The following KIAA0825 variants were observed in gnomAD, a reference collection of about 807,000 sequenced individuals.
KIAA0825 encodes uncharacterized protein KIAA0825.
KIAA0825 carries 119 observed loss-of-function variants against 147.6 expected under a neutral mutation model. The observed-to-expected ratio is 0.81, with a 90% CI of 0.69 to 0.94. KIAA0825 has a LOEUF of 0.94. Among genes scored for constraint, KIAA0825 ranks in the 40% least tolerant of loss-of-function variants. KIAA0825 has a pLI of 0.00. For missense variants in KIAA0825, 1,381 were observed against 1,472.7 expected (o/e 0.94, Z 1.02); for synonymous variants, 470 against 518.1 (o/e 0.91, Z 1.26).
At chr5:94,271,375 G>A (rs1487167432) in intron 20 of KIAA0825, among the ~76,000 whole-genome samples, 1 of 152,072 alleles carries the variant, frequency 6.6e-6, no homozygotes, top group Non-Finnish European at 1.5e-5. Context: ...TATCTAACAA[G>A]GGATTAACCA....
At chr5:94,535,825 T>C (rs959778674) in intron 3 of KIAA0825, among the ~76,000 whole-genome samples, 4 of 152,198 alleles carry the variant, frequency 2.6e-5, no homozygotes, top group African/African-American at 7.2e-5. Flanking sequence ...CTAACACAGG[T>C]GGTTTCCCCA....
chr5:94,324,086 C>T (rs975704866), intron 20 of KIAA0825, among the ~76,000 whole-genome samples: 4 of 151,924 alleles, frequency 2.6e-5, no homozygotes, highest in South Asian at 2.1e-4. Context: ...TTGACACCTT[C>T]GTCTTTCGTG....
chr5:94,454,295 CTT>C (rs1163341056), intron 12 of KIAA0825, among the ~76,000 whole-genome samples: 1 of 152,138 alleles, frequency 6.6e-6, no homozygotes, highest in African/African-American at 2.4e-5. Flanking sequence ...GCAATAGTGT[CTT>C]TTGATATCCA....
At position 94,343,594 on chromosome 5, in the gene KIAA0825, C is replaced by T. The variant is rs1266619694; in HGVS notation, c.3710+40774G>A. ...GTCCCAGCTACTGGGGAGGCTGAGG[C>T]AGGAGAATGGCGTGAACCCGGGAAG... On this transcript the variant is annotated intron_variant, in intron 20 of 20. Transcript: ENST00000682413. Among the ~76,000 whole-genome samples the T allele has an allele frequency of 9.2e-5, 14 of 152,074 alleles. 1 individual carries two copies. The East Asian group carries it at 2.3e-3, about 25-fold the overall frequency.
intron 5 of KIAA0825, among the ~76,000 whole-genome samples, chr5:94,514,777 C>T (rs1369459047): frequency 6.6e-6 from 1 of 152,104 alleles, no homozygotes; most frequent in Non-Finnish European, 1.5e-5. Context: ...TTGTGTCTCC[C>T]TAGTCAAGAA....
intron 1 of KIAA0825, among the ~76,000 whole-genome samples, chr5:94,612,153 G>A (rs1460663419): frequency 1.3e-5 from 2 of 152,130 alleles, no homozygotes; most frequent in Non-Finnish European, 2.9e-5. Flanking sequence ...TAAGAAGATA[G>A]TGTAAGAACA....
At chr5:94,364,608 T>G (rs1228058558) in intron 20 of KIAA0825, among the ~76,000 whole-genome samples, 1 of 152,024 alleles carries the variant, frequency 6.6e-6, no homozygotes, top group Non-Finnish European at 1.5e-5. Context: ...GGTCTCAATC[T>G]CCTGACCTCG....
At chr5:94,492,901 T>C (rs1352420304) in intron 5 of KIAA0825, among the ~76,000 whole-genome samples, 1 of 152,254 alleles carries the variant, frequency 6.6e-6, no homozygotes, top group Non-Finnish European at 1.5e-5. Flanking sequence ...TGAAGTTGAA[T>C]GGCAGCCCCA....
At chr5:94,220,666 G>A (rs546153534) in intron 20 of KIAA0825, among the ~76,000 whole-genome samples, 1 of 151,652 alleles carries the variant, frequency 6.6e-6, no homozygotes, top group South Asian at 2.1e-4. Context: ...AAATGTATAT[G>A]CTGTTAATTG....
At chr5:94,248,334 G>A (rs114450945) in intron 20 of KIAA0825, among the ~76,000 whole-genome samples, 257 of 152,142 alleles carry the variant, frequency 1.7e-3, no homozygotes, top group African/African-American at 6.1e-3. Context: ...CAGTGAAATT[G>A]TGTCCTGATT....
chr5:94,231,112 C>T (rs1774660842), intron 20 of KIAA0825, among the ~76,000 whole-genome samples: 1 of 152,040 alleles, frequency 6.6e-6, no homozygotes, highest in Non-Finnish European at 1.5e-5. Flanking sequence ...TTTTTCCGTT[C>T]AGGATGTTGT....
chr5:94,611,421 G>A (rs141505924), intron 1 of KIAA0825, among the ~76,000 whole-genome samples: 12 of 151,906 alleles, frequency 7.9e-5, no homozygotes, highest in African/African-American at 2.7e-4. Context: ...AAAAATACAG[G>A]CTATGACTAA....
chr5:94,315,016 A>G (rs547561574), intron 20 of KIAA0825, among the ~76,000 whole-genome samples: 1 of 151,774 alleles, frequency 6.6e-6, no homozygotes, highest in South Asian at 2.1e-4. Context: ...GACTGTTGCC[A>G]TGGTAACAGG....
intron 7 of KIAA0825, among the ~76,000 whole-genome samples, chr5:94,474,174 T>C (rs1761561360): frequency 6.6e-6 from 1 of 151,990 alleles, no homozygotes. Context: ...TTGTGGTGGT[T>C]GGGGGGGTAC....
At chr5:94,507,454 C>A (rs1265176773) in intron 5 of KIAA0825, among the ~76,000 whole-genome samples, 1 of 150,908 alleles carries the variant, frequency 6.6e-6, no homozygotes, top group African/African-American at 2.4e-5. Flanking sequence ...ACCGTCCCCC[C>A]GCCCCCCCCA....
At chr5:94,439,797 A>G (rs1756845156) in intron 14 of KIAA0825, among the ~76,000 whole-genome samples, 185 bp downstream of exon 14, 1 of 152,194 alleles carries the variant, frequency 6.6e-6, no homozygotes, top group Non-Finnish European at 1.5e-5. Flanking sequence ...GAGTCATTGA[A>G]ATAAATTTTT....
chr5:94,388,932 T>C (rs1749542576), intron 18 of KIAA0825, among the ~76,000 whole-genome samples: 1 of 152,236 alleles, frequency 6.6e-6, no homozygotes, highest in African/African-American at 2.4e-5. Context: ...TGACCTCAAC[T>C]ACCACACTCA....
chr5:94,442,658 G>T (rs1179701076), intron 13 of KIAA0825, among the ~76,000 whole-genome samples: 4 of 152,058 alleles, frequency 2.6e-5, no homozygotes, highest in African/African-American at 9.7e-5. Flanking sequence ...GCTCCCTTGG[G>T]GTTCAATGGA....
chr5:94,494,025 AACCTAAGTGGCTAAAAAGGG>A, intron 5 of KIAA0825, among the ~76,000 whole-genome samples: 1 of 152,212 alleles, frequency 6.6e-6, no homozygotes, highest in East Asian at 1.9e-4. Context: ...TACCAAGAGA[AACCTAAGTGGCTAAAAAGGG>A]TGAAGATAGA....
Sources: allele counts gnomAD v4.1 joint callset (sites outside exome capture counted in the v4.1 genomes callset), GRCh38; gene constraint gnomAD v4.1.1; transcripts MANE v1.5; gene names NCBI Gene and HGNC (gene_info 2026-07-23, HGNC 2026-07-21).